The following PLD5 variants were observed in gnomAD, a reference collection of about 807,000 sequenced individuals.
PLD5 encodes phospholipase D family member 5, also known as inactive phospholipase D5.
In PLD5, 36 loss-of-function variants were observed where a neutral mutation model predicts 61.1. The observed-to-expected ratio is 0.59, with a 90% confidence interval of 0.45 to 0.78. The LOEUF (loss-of-function observed/expected upper bound fraction) is 0.78. PLD5 is among the 30% of genes least tolerant of loss of function. PLD5 has a pLI of 0.00. For missense variants in PLD5, 515 were observed against 644.4 expected (o/e 0.80, Z 2.17); for synonymous variants, 243 against 242.8 (o/e 1.00, Z -0.01).
rs1040095069 is a variant in PLD5, at chr1:242,089,120, T to C, written c.*734A>G. 2.3e-5 allele frequency: 9 copies of C among 388,826 alleles called. No individual in the cohort carries two copies. Among genetic ancestry groups the C allele is most frequent in the African/African-American group, 1.7e-4 (8 of 48,430 alleles). 24.1% of individuals were successfully genotyped at this position (388,826 alleles called of 1,614,324 possible). On this transcript the variant is annotated 3_prime_UTR_variant, in exon 10 of 10. Coordinates refer to ENST00000536534, the MANE Select transcript of PLD5 (RefSeq NM_001372062.1). Reference sequence around the variant, plus strand: ...CCAATTCGGTAGGGGAAAAAAGGATTCAGTTGAAAGGTGAAAATGAAAGAC... The same window carrying C: ...CCAATTCGGTAGGGGAAAAAAGGATCCAGTTGAAAGGTGAAAATGAAAGAC...
chr1:242,110,987 T>A (rs1228603929), intron 7 of PLD5, among the ~76,000 whole-genome samples: 1 of 151,960 alleles, frequency 6.6e-6, no homozygotes, highest in East Asian at 1.9e-4. Flanking sequence ...AACTGAGACC[T>A]AAATAATTGA....
intron 6 of PLD5, among the ~76,000 whole-genome samples, chr1:242,123,632 G>A (rs1274613678): frequency 1.3e-5 from 2 of 152,208 alleles, no homozygotes; most frequent in Non-Finnish European, 2.9e-5. Context: ...AACACAGACA[G>A]GTGGAGAACG....
chr1:242,336,817 C>A (rs1490786024), intron 2 of PLD5, among the ~76,000 whole-genome samples: 1 of 152,046 alleles, frequency 6.6e-6, no homozygotes, highest in Non-Finnish European at 1.5e-5. Flanking sequence ...TGTAATAAAA[C>A]AAGCAAAGTT....
chr1:242,105,347 C>T (rs1490527293), intron 8 of PLD5, among the ~76,000 whole-genome samples: 2 of 152,056 alleles, frequency 1.3e-5, no homozygotes, highest in African/African-American at 4.8e-5. Context: ...CCTCAGCCTC[C>T]CAAGTAGCTA....
At chr1:242,429,362 T>C (rs1665596225) in intron 1 of PLD5, among the ~76,000 whole-genome samples, 1 of 152,200 alleles carries the variant, frequency 6.6e-6, no homozygotes, top group South Asian at 2.1e-4. Context: ...TAAGTTTAAT[T>C]GTGGGGACTG....
At chr1:242,219,778 G>A (rs1670445393) in intron 5 of PLD5, among the ~76,000 whole-genome samples, 1 of 152,148 alleles carries the variant, frequency 6.6e-6, no homozygotes, top group Admixed American at 6.5e-5. Flanking sequence ...AAGCATTGAA[G>A]CAATAACAGT....
intron 4 of PLD5, among the ~76,000 whole-genome samples, chr1:242,254,793 C>T (rs1574618434): frequency 6.6e-6 from 1 of 152,186 alleles, no homozygotes; most frequent in Non-Finnish European, 1.5e-5. Flanking sequence ...AGTACCTGTT[C>T]CTAGTTATTA....
At chr1:242,156,380 T>C (rs1183940564) in intron 5 of PLD5, among the ~76,000 whole-genome samples, 1 of 152,214 alleles carries the variant, frequency 6.6e-6, no homozygotes, top group Non-Finnish European at 1.5e-5. Flanking sequence ...ATGTGTGAAT[T>C]TGATCCTGTC....
At chr1:242,508,608 T>A (rs1455157722) in intron 1 of PLD5, among the ~76,000 whole-genome samples, 2 of 152,208 alleles carry the variant, frequency 1.3e-5, no homozygotes, top group Admixed American at 1.3e-4. Flanking sequence ...TCTGCAAATC[T>A]TTTTGCCTGA....
At chr1:242,353,079 T>G (rs571367562) in intron 1 of PLD5, among the ~76,000 whole-genome samples, 72 of 152,332 alleles carry the variant, frequency 4.7e-4, no homozygotes, top group Non-Finnish European at 8.8e-4. Context: ...TTGCCTGTGC[T>G]TTCGAGGTGA....
At chr1:242,492,159 A>G (rs575864515) in intron 1 of PLD5, among the ~76,000 whole-genome samples, 2 of 152,216 alleles carry the variant, frequency 1.3e-5, no homozygotes, top group Non-Finnish European at 2.9e-5. Flanking sequence ...GAATGCTCCT[A>G]TGCTCCTCTG....
Position 242,426,309 on chromosome 1 carries a change from TAAAAAAA to T in PLD5, c.190-78074_190-78068del, listed in dbSNP as rs56996310. On this transcript the variant is annotated intron_variant, in intron 1 of 9. Transcript: ENST00000536534. Reference sequence around the variant, plus strand: ...GGACCTGCCTGAGACCGTTTCCAGTTAAAAAAAAAAAAAAAAAAAAAAGTTAACAAAC... The same window carrying T: ...GGACCTGCCTGAGACCGTTTCCAGTTAAAAAAAAAAAAAAAGTTAACAAAC... Among the ~76,000 whole-genome samples the T allele has an allele frequency of 3.6e-3, 438 of 120,068 alleles. 2 individuals carry two copies. The highest frequency in any genetic ancestry group is 0.013 in the African/African-American group (418 of 31,470). The allele number at this position is 120,068 out of a possible 152,430, so 78.8% of individuals were successfully genotyped here. A position where few individuals can be genotyped will look rare whatever the true frequency, so the allele number is the denominator to read the frequency against.
intron 5 of PLD5, among the ~76,000 whole-genome samples, chr1:242,174,258 C>T (rs1359018172): frequency 1.3e-5 from 2 of 152,168 alleles, no homozygotes; most frequent in African/African-American, 4.8e-5. Flanking sequence ...AGACACTTCT[C>T]AAAAGAAGAC....
intron 2 of PLD5, among the ~76,000 whole-genome samples, chr1:242,322,606 G>T (rs1658490204): frequency 6.6e-6 from 1 of 152,168 alleles, no homozygotes. Flanking sequence ...CTGGTGGGAG[G>T]TGACTGGATC....
intron 5 of PLD5, among the ~76,000 whole-genome samples, chr1:242,170,235 G>T (rs975822190): frequency 2.6e-5 from 4 of 152,186 alleles, no homozygotes; most frequent in Admixed American, 1.3e-4. Context: ...CAAGAAAAAA[G>T]AACAGGCAGC....
intron 4 of PLD5, among the ~76,000 whole-genome samples, chr1:242,238,433 T>C (rs1280097215): frequency 6.6e-6 from 1 of 152,194 alleles, no homozygotes; most frequent in Non-Finnish European, 1.5e-5. Flanking sequence ...TGGGGGCTGA[T>C]GATGCCCCTT....
At chr1:242,132,108 G>A (rs1663308498) in intron 5 of PLD5, among the ~76,000 whole-genome samples, 1 of 147,846 alleles carries the variant, frequency 6.8e-6, no homozygotes, top group African/African-American at 2.5e-5. Flanking sequence ...TGTGATTACA[G>A]GCATGAGCCA....
chr1:242,112,309 G>A (rs1287074945), intron 7 of PLD5, among the ~76,000 whole-genome samples: 30 of 103,980 alleles, frequency 2.9e-4, no homozygotes, highest in African/African-American at 5.5e-4. Context: ...GTGTGTGTGT[G>A]TGTGTGTGTG....
In PLD5 at chr1:242,223,851, T is replaced by TAG. The variant is rs34987274; in HGVS notation, c.608-3738_608-3737dup. Among the ~76,000 whole-genome samples, 1,272 of 144,316 alleles carry TAG rather than the reference T, an allele frequency of 8.8e-3. 5 individuals carry two copies. The highest frequency in any genetic ancestry group is 0.021 in the South Asian group (93 of 4,406). 94.7% of individuals were successfully genotyped at this position (144,316 alleles called of 152,430 possible). ...ATTAATAGCTGTAGATATATATAAA[T>TAG]AGAGAGAGAGAGAGAGAGAGAGAGA... On this transcript the variant is annotated intron_variant, in intron 4 of 9. Transcript: ENST00000536534.
Sources: gnomAD v4.1 joint callset for allele counts (sites outside exome capture counted in the v4.1 genomes callset) on GRCh38, gnomAD v4.1.1 for gene constraint, MANE v1.5 for transcripts, NCBI Gene and HGNC (gene_info 2026-07-23, HGNC 2026-07-21) for gene names.